The following FARS2 variants were observed in gnomAD, a reference collection of about 807,000 sequenced individuals.
The protein encoded by FARS2 is phenylalanyl-tRNA synthetase 2, mitochondrial.
In FARS2, 40 loss-of-function variants were observed where a neutral mutation model predicts 46.4. The observed-to-expected ratio is 0.86, with a 90% CI of 0.67 to 1.12. The LOEUF (loss-of-function observed/expected upper bound fraction) is 1.12. Among genes scored for constraint, FARS2 ranks in the 50% most tolerant of loss-of-function variants. FARS2 has a pLI of 0.00. For missense variants in FARS2, 513 were observed against 567.9 expected, an observed-to-expected ratio of 0.90 and a Z score of 0.98; for synonymous variants, 234 against 214.9, an observed-to-expected ratio of 1.09 and a Z score of -0.78.
At chr6:5,723,223 G>C (rs781413045) in intron 6 of FARS2, among the ~76,000 whole-genome samples, 9 of 152,298 alleles carry the variant, frequency 5.9e-5, no homozygotes, top group Admixed American at 4.6e-4. Context: ...ACCCAAGTAC[G>C]TGCCCCTGGG....
rs374062352 is a variant in FARS2, at chr6:5,699,999, A to G, written c.1218-71292A>G. 2.2e-4 allele frequency among the ~76,000 whole-genome samples: 34 copies of G among 152,244 alleles called. No homozygotes were observed. The East Asian group carries it at 4.4e-3, about 20-fold the overall frequency. On this transcript the variant is annotated intron_variant, in intron 6 of 6. Coordinates refer to ENST00000274680, the MANE Select transcript of FARS2 (RefSeq NM_006567.5). ...CCCTGTGCCATCTTTCACTCTAACT[A>G]TATCGACTGACCTCCAGTCCCCGAA...
At chr6:5,704,428 T>C (rs1758620300) in intron 6 of FARS2, among the ~76,000 whole-genome samples, 1 of 152,186 alleles carries the variant, frequency 6.6e-6, no homozygotes, top group African/African-American at 2.4e-5. Flanking sequence ...GGAGGGAACA[T>C]AAACACTCAC....
chr6:5,372,020 A>G (rs1759094986), intron 2 of FARS2, among the ~76,000 whole-genome samples: 2 of 152,114 alleles, frequency 1.3e-5, no homozygotes, highest in Admixed American at 1.3e-4. Context: ...GTACAGCAAT[A>G]TTAATATTAT....
intron 4 of FARS2, among the ~76,000 whole-genome samples, chr6:5,507,634 A>G (rs1768177615): frequency 6.6e-6 from 1 of 152,208 alleles, no homozygotes. Context: ...TGTCAATGGT[A>G]ATAGCTTTTA....
At chr6:5,438,687 T>A (rs1294302742) in intron 4 of FARS2, among the ~76,000 whole-genome samples, 2 of 152,148 alleles carry the variant, frequency 1.3e-5, no homozygotes, top group African/African-American at 2.4e-5. Flanking sequence ...GAATGAGAAG[T>A]GTTTCAGATT....
intron 1 of FARS2, among the ~76,000 whole-genome samples, chr6:5,308,293 G>A (rs1768861622): frequency 1.3e-5 from 2 of 152,252 alleles, no homozygotes; most frequent in Middle Eastern, 3.4e-3. Context: ...TTAGTAGGTC[G>A]GGGCAAATGC....
At chr6:5,410,322 T>TTTTTGTA (rs1197387555) in intron 3 of FARS2, among the ~76,000 whole-genome samples, 16 of 151,762 alleles carry the variant, frequency 1.1e-4, no homozygotes, top group African/African-American at 3.9e-4. Flanking sequence ...CCTGGCTACT[T>TTTTTGTA]TTTTGTATTT....
At chr6:5,337,034 A>G (rs964959874) in intron 1 of FARS2, among the ~76,000 whole-genome samples, 4 of 149,240 alleles carry the variant, frequency 2.7e-5, no homozygotes, top group African/African-American at 7.3e-5. Context: ...TGTATATTCT[A>G]TTTTGGCACA....
In FARS2 at chr6:5,367,482, T is replaced by A. The variant is rs551700098; in HGVS notation, c.-21-1068T>A. On this transcript the variant is annotated intron_variant, in intron 1 of 6. Coordinates refer to ENST00000274680, the MANE Select transcript of FARS2 (RefSeq NM_006567.5). ...TTCTGTGGCAGTGGGAAGAAGACAC[T>A]GTGTGAGTGGTTCACAGCCCTTTGC... 2.6e-5 allele frequency among the ~76,000 whole-genome samples: 4 copies of A among 152,164 alleles called. No homozygotes were observed. The East Asian group carries it at 7.7e-4, about 29-fold the overall frequency.
At chr6:5,572,571 A>G (rs141967308) in intron 5 of FARS2, among the ~76,000 whole-genome samples, 65 of 152,116 alleles carry the variant, frequency 4.3e-4, no homozygotes, top group African/African-American at 1.5e-3. Context: ...TCCTCTTGGG[A>G]GTTCTAGGTT....
intron 4 of FARS2, among the ~76,000 whole-genome samples, chr6:5,501,263 A>G (rs553547296): frequency 6.6e-6 from 1 of 152,278 alleles, no homozygotes; most frequent in African/African-American, 2.4e-5. Context: ...CACCTATTTC[A>G]GAGATATGCT....
chr6:5,501,916 C>T (rs1051919720), intron 4 of FARS2, among the ~76,000 whole-genome samples: 21 of 152,220 alleles, frequency 1.4e-4, no homozygotes, highest in African/African-American at 4.1e-4. Context: ...ATGTGAGATG[C>T]GTGTGCAGTG....
At chr6:5,559,179 G>C (rs1215914822) in intron 5 of FARS2, among the ~76,000 whole-genome samples, 1 of 151,520 alleles carries the variant, frequency 6.6e-6, no homozygotes, top group Non-Finnish European at 1.5e-5. Flanking sequence ...GAAGCGGGAA[G>C]ATCGCTTGAG....
chr6:5,398,633 A>G (rs1274147319), intron 2 of FARS2, among the ~76,000 whole-genome samples: 1 of 152,210 alleles, frequency 6.6e-6, no homozygotes, highest in African/African-American at 2.4e-5. Context: ...CCCTAGGGAT[A>G]TCATTACTTG....
chr6:5,603,933 G>A (rs186205851), intron 5 of FARS2, among the ~76,000 whole-genome samples: 11 of 152,124 alleles, frequency 7.2e-5, no homozygotes, highest in Non-Finnish European at 1.5e-4. Flanking sequence ...CCAGTTAAAG[G>A]CTGCAGCTCA....
At chr6:5,488,923 C>T (rs1255723513) in intron 4 of FARS2, among the ~76,000 whole-genome samples, 3 of 152,106 alleles carry the variant, frequency 2.0e-5, no homozygotes, top group Admixed American at 6.5e-5. Context: ...ATTTATTGTG[C>T]TCTTACTGTG....
At position 5,728,047 on chromosome 6, in the gene FARS2, GCCTTGATGGCCCCTCGATGAACTA is replaced by G. The variant is rs1219925346; in HGVS notation, c.1218-43243_1218-43220del. Among the ~76,000 whole-genome samples, 4 of 152,146 alleles carry G rather than the reference GCCTTGATGGCCCCTCGATGAACTA, an allele frequency of 2.6e-5. No individual in the cohort carries two copies. The East Asian group carries it at 7.7e-4, about 29-fold the overall frequency. ...ATAAAGTGAGAGATGAGTGGATGCC[GCCTTGATGGCCCCTCGATGAACTA>G]ACAGGGTCCGAGAACATTTGCAAAT... On this transcript the variant is annotated intron_variant, in intron 6 of 6. Coordinates refer to ENST00000274680, the MANE Select transcript of FARS2 (RefSeq NM_006567.5).
intron 4 of FARS2, among the ~76,000 whole-genome samples, chr6:5,483,043 A>G (rs1766565892): frequency 6.6e-6 from 1 of 152,116 alleles, no homozygotes; most frequent in Admixed American, 6.5e-5. Flanking sequence ...CCAGCTCTGT[A>G]GGCACTCCTT....
chr6:5,274,803 C>T (rs978393618), intron 1 of FARS2, among the ~76,000 whole-genome samples: 19 of 152,148 alleles, frequency 1.2e-4, no homozygotes, highest in African/African-American at 3.4e-4. Context: ...CTCCAACTTC[C>T]GGGCTCAAGC....
Sources: gnomAD v4.1 joint callset for allele counts (sites outside exome capture counted in the v4.1 genomes callset) on GRCh38, gnomAD v4.1.1 for gene constraint, MANE v1.5 for transcripts, NCBI Gene and HGNC (gene_info 2026-07-23, HGNC 2026-07-21) for gene names.